ATIC: variants seen among roughly 807,000 people sequenced by gnomAD.
ATIC encodes 5-aminoimidazole-4-carboxamide ribonucleotide formyltransferase/IMP cyclohydrolase, also known as bifunctional purine biosynthesis protein ATIC.
A neutral mutation model predicts 72.5 loss-of-function variants in ATIC; 64 were observed. The ratio of observed to expected loss-of-function variants is 0.88; its 90% CI spans 0.72 to 1.09. The LOEUF is 1.09. Ranked by LOEUF, ATIC falls within the 50% of genes least tolerant of loss-of-function variation. The probability of loss-of-function intolerance (pLI) is 0.00; values close to 1 mark genes in which losing one functional copy is unlikely to be tolerated. For missense variants in ATIC, 787 were observed against 732.4 expected (o/e 1.07, Z -0.86); for synonymous variants, 281 against 267.1 (o/e 1.05, Z -0.51).
rs1025725483 is a variant in ATIC at position 215,349,223 on chromosome 2, C to T, written c.1633C>T (p.Arg545Ter). The change falls in exon 15 of 16, where the codon CGA (arginine) becomes TGA (stop). Residue 545 changes from arginine (R) to a stop codon, truncating the protein, a stop_gained. Coordinates refer to ENST00000236959, the MANE Select transcript of ATIC (RefSeq NM_004044.7). LOFTEE classifies it high-confidence loss of function. ...SISSDAFFPF[R>*]DNVDRAKRSG... ...CAGCTCTGATGCCTTCTTCCCTTTCCGAGATAACGTAGACAGAGCTAAAAG... is the reference window on the plus strand; with the variant it reads ...CAGCTCTGATGCCTTCTTCCCTTTCTGAGATAACGTAGACAGAGCTAAAAG... The T allele has an allele frequency of 3.7e-6, 6 of 1,613,942 alleles. No homozygotes were observed. Among genetic ancestry groups the T allele is most frequent in the African/African-American group, 1.3e-5 (1 of 74,888 alleles).
the ATIC span, chr2:215,361,700 G>T: frequency 8.4e-7 from 1 of 1,196,848 alleles, no homozygotes; most frequent in Non-Finnish European, 1.2e-6. Flanking sequence ...AATGCGGGGA[G>T]GTGGGGACTC....
intron 4 of ATIC, among the ~76,000 whole-genome samples, chr2:215,323,387 A>G (rs1283578663): frequency 6.6e-6 from 1 of 152,198 alleles, no homozygotes; most frequent in African/African-American, 2.4e-5. Context: ...TCTGTAGATC[A>G]ATTTGGGAAA....
chr2:215,339,731 T>C (rs912493679), intron 12 of ATIC, among the ~76,000 whole-genome samples: 8 of 146,052 alleles, frequency 5.5e-5, no homozygotes, highest in African/African-American at 2.0e-4. Flanking sequence ...GCCTCCCGGG[T>C]TCACGCCATT....
chr2:215,334,359 A>G (rs1284082015), intron 9 of ATIC, among the ~76,000 whole-genome samples: 1 of 151,420 alleles, frequency 6.6e-6, no homozygotes, highest in Non-Finnish European at 1.5e-5. Context: ...ACACCTGGCT[A>G]ATTTTTTTGT....
chr2:215,315,877 C>T (rs967633628), intron 2 of ATIC, among the ~76,000 whole-genome samples: 1 of 152,018 alleles, frequency 6.6e-6, no homozygotes, highest in African/African-American at 2.4e-5. Context: ...ATTGCTTGAA[C>T]CCAGGAGGTG....
At chr2:215,354,386 G>A (rs1382162744), downstream of ATIC, among the ~76,000 whole-genome samples, 1 of 152,100 alleles carries the variant, frequency 6.6e-6, no homozygotes, top group Non-Finnish European at 1.5e-5. Flanking sequence ...TTAGGTGTGG[G>A]TGTTATTTGT....
intron 7 of ATIC, among the ~76,000 whole-genome samples, chr2:215,327,801 GA>G (rs1270989727): frequency 6.6e-6 from 1 of 152,144 alleles, no homozygotes; most frequent in Non-Finnish European, 1.5e-5. Context: ...CTGAGAGAGC[GA>G]TGGGGGAGGG....
At chr2:215,355,006 G>A in the ATIC span, among the ~76,000 whole-genome samples, 5 of 151,974 alleles carry the variant, frequency 3.3e-5, no homozygotes, top group East Asian at 3.9e-4. Context: ...TCTGGAAAAC[G>A]ACTCAGTTTA....
At position 215,338,676 on chromosome 2, in the gene ATIC, T is replaced by C. The variant is rs2052983044; in HGVS notation, c.1099-103T>C. On this transcript the variant is annotated intron_variant, in intron 11 of 15. Coordinates refer to ENST00000236959, the MANE Select transcript of ATIC (RefSeq NM_004044.7). ...AGAAAACTGTAAAAAATTAGAAACA[T>C]GCATATAACTTTACTTACAATGAAA... 6 of 1,200,246 alleles carry C rather than the reference T, an allele frequency of 5.0e-6. No individual in the cohort carries two copies. The East Asian group carries it at 8.0e-5, about 16-fold the overall frequency. The allele number at this position is 1,200,246 out of a possible 1,614,324, so 74.3% of individuals were successfully genotyped here.
chr2:215,312,084 T>G lies in ATIC; in HGVS notation c.-59T>G, dbSNP rs4535042. On this transcript the variant is annotated 5_prime_UTR_variant, in exon 1 of 16. Coordinates refer to ENST00000236959, the MANE Select transcript of ATIC (RefSeq NM_004044.7). ...GCCACATCCCGGCAGCCCTCCTACC[T>G]GCGCACGTGGTGCCGCCGCTGCTGC... 0.3 allele frequency: 451,262 copies of G among 1,528,280 alleles called. 70,884 individuals carry two copies. Among genetic ancestry groups the G allele is most frequent in the South Asian group, 0.46 (38,131 of 83,048 alleles). The allele number at this position is 1,528,280 out of a possible 1,614,324, so 94.7% of individuals were successfully genotyped here.
At chr2:215,338,647 A>C in intron 11 of ATIC, 132 bp from the exon 12 acceptor site, 1 of 967,556 alleles carries the variant, frequency 1.0e-6, no homozygotes, top group Non-Finnish European at 1.5e-6. Flanking sequence ...AAAATTAGAA[A>C]ATTAGAAAAC....
At chr2:215,327,063 C>T (rs1259492535) in intron 7 of ATIC, 85 bp downstream of exon 7, 1 of 1,588,500 alleles carries the variant, frequency 6.3e-7, no homozygotes, top group South Asian at 1.1e-5. Flanking sequence ...GGTTCACATT[C>T]AGAAGATGAT....
intron 2 of ATIC, 101 bp from the exon 3 acceptor site, chr2:215,318,056 C>G (rs2052728388): frequency 9.3e-7 from 1 of 1,075,196 alleles, no homozygotes; most frequent in Non-Finnish European, 1.4e-6. Context: ...ACGTTGAATT[C>G]AGGCTCAAAA....
rs113770205 is a variant in ATIC, at chr2:215,325,936, C to T, written c.380-51C>T. On this transcript the variant is annotated intron_variant, in intron 5 of 15. Coordinates refer to ENST00000236959, the MANE Select transcript of ATIC (RefSeq NM_004044.7). ...ACAATGACTTTATTTAAAAGCGGTT[C>T]ATAAGCTGATAGGGACATACAAAAA... 9.8e-4 allele frequency: 1,559 copies of T among 1,598,362 alleles called. 14 individuals carry two copies. The African/African-American group carries it at 0.018, about 18-fold the overall frequency.
the ATIC span, among the ~76,000 whole-genome samples, chr2:215,360,258 A>C: frequency 1.3e-5 from 2 of 152,212 alleles, no homozygotes; most frequent in East Asian, 3.8e-4. Flanking sequence ...ATTTAATCCC[A>C]AAGTTTGTTT....
intron 14 of ATIC, chr2:215,348,809 T>C: frequency 3.2e-6 from 1 of 316,294 alleles, no homozygotes; most frequent in South Asian, 2.7e-5. Flanking sequence ...AATACAAAAA[T>C]TAGCTGGGTG....
At chr2:215,362,216 G>C in the ATIC span, 1 of 700,980 alleles carries the variant, frequency 1.4e-6, no homozygotes, top group Admixed American at 2.0e-5. Context: ...AGCAAGCTTT[G>C]ATGATGATTT....
downstream of ATIC, among the ~76,000 whole-genome samples, chr2:215,353,506 G>C (rs1038944079): frequency 1.3e-5 from 2 of 152,158 alleles, no homozygotes; most frequent in African/African-American, 4.8e-5. Context: ...ACTGTGTGCA[G>C]TGTCTGTGTG....
At chr2:215,320,975 G>A (rs1038810418) in intron 4 of ATIC, among the ~76,000 whole-genome samples, 3 of 152,080 alleles carry the variant, frequency 2.0e-5, no homozygotes, top group African/African-American at 7.2e-5. Flanking sequence ...TCTCCCCCGT[G>A]ACCCAATCAT....
Sources: allele counts gnomAD v4.1 joint callset (sites outside exome capture counted in the v4.1 genomes callset), GRCh38; gene constraint gnomAD v4.1.1; transcripts MANE v1.5; gene names NCBI Gene and HGNC (gene_info 2026-07-23, HGNC 2026-07-21).